Variants in MEIS2 observed in about 807,000 individuals in gnomAD.
The protein encoded by MEIS2 is homeobox protein Meis2.
A neutral mutation model predicts 58.6 loss-of-function variants in MEIS2; 9 were observed. The ratio of observed to expected loss-of-function variants is 0.15; its 90% CI spans 0.09 to 0.27. The LOEUF (loss-of-function observed/expected upper bound fraction) is 0.27. MEIS2 is among the 10% of genes least tolerant of loss of function. The probability of loss-of-function intolerance (pLI) is 1.00; values close to 1 mark genes in which losing one functional copy is unlikely to be tolerated. For missense variants in MEIS2, 427 were observed against 635.0 expected, an observed-to-expected ratio of 0.67 and a Z score of 3.52; for synonymous variants, 221 against 228.4, an observed-to-expected ratio of 0.97 and a Z score of 0.29.
chr15:37,026,787 C>G (rs2061721937), intron 8 of MEIS2, among the ~76,000 whole-genome samples: 1 of 152,076 alleles, frequency 6.6e-6, no homozygotes, highest in Non-Finnish European at 1.5e-5. Flanking sequence ...TGTGGACAAT[C>G]AAGTCAGATT....
At chr15:37,029,380 G>A (rs1267608621) in intron 8 of MEIS2, among the ~76,000 whole-genome samples, 6 of 152,124 alleles carry the variant, frequency 3.9e-5, no homozygotes, top group Admixed American at 6.5e-5. Context: ...TTGGCTCATA[G>A]CTATTTGTAT....
chr15:37,022,705 G>A (rs1336625487), intron 8 of MEIS2, among the ~76,000 whole-genome samples: 1 of 152,098 alleles, frequency 6.6e-6, no homozygotes, highest in Non-Finnish European at 1.5e-5. Flanking sequence ...AGTGGCGCAA[G>A]CTCAGCTCAC....
intron 8 of MEIS2, among the ~76,000 whole-genome samples, chr15:36,971,021 T>C (rs1157444925): frequency 6.6e-6 from 1 of 151,412 alleles, no homozygotes; most frequent in Non-Finnish European, 1.5e-5. Context: ...TCCCATTGTA[T>C]GTGTTCAAAG....
At chr15:36,903,708 G>A (rs972239403) in intron 9 of MEIS2, among the ~76,000 whole-genome samples, 4 of 152,140 alleles carry the variant, frequency 2.6e-5, no homozygotes, top group African/African-American at 9.7e-5. Context: ...TTCACAATCA[G>A]TTGCACACAT....
intron 8 of MEIS2, among the ~76,000 whole-genome samples, chr15:37,004,464 T>C (rs947980011): frequency 2.0e-5 from 3 of 152,152 alleles, no homozygotes; most frequent in Non-Finnish European, 4.4e-5. Flanking sequence ...AAAAGGAAAA[T>C]AATCTTCTAT....
At chr15:37,049,513 G>T (rs866637730) in intron 7 of MEIS2, among the ~76,000 whole-genome samples, 2 of 151,426 alleles carry the variant, frequency 1.3e-5, no homozygotes, top group Non-Finnish European at 2.9e-5. Flanking sequence ...TGGAGACAGA[G>T]TCTCACTCTG....
chr15:37,091,153 T>C (rs1175478690), intron 6 of MEIS2, among the ~76,000 whole-genome samples: 1 of 152,190 alleles, frequency 6.6e-6, no homozygotes, highest in Non-Finnish European at 1.5e-5. Flanking sequence ...TGTGTTTGGC[T>C]AGGGGGTTGA....
At chr15:36,912,757 C>CTT (rs1169795759) in intron 9 of MEIS2, among the ~76,000 whole-genome samples, 2 of 148,196 alleles carry the variant, frequency 1.3e-5, no homozygotes, top group East Asian at 4.0e-4. Context: ...GGAATGCAAA[C>CTT]TTTATTTCTT....
intron 9 of MEIS2, among the ~76,000 whole-genome samples, chr15:36,924,352 A>G (rs2057654152): frequency 1.3e-5 from 2 of 152,252 alleles, no homozygotes; most frequent in South Asian, 4.1e-4. Flanking sequence ...TGCACGGCTG[A>G]GATCGCGGTC....
At position 36,890,323 on chromosome 15, in the gene MEIS2, A is replaced by T. The variant is rs1768425648; in HGVS notation, c.*1850T>A. ...TGTGCAGTATCAATAAGCTAATGGT[A>T]TAGATTTCCAGGAATGTTGCATAAA... On this transcript the variant is annotated 3_prime_UTR_variant, in exon 12 of 12. Coordinates refer to ENST00000561208, the MANE Select transcript of MEIS2 (RefSeq NM_170675.5). The T allele has an allele frequency of 6.6e-6, 1 of 152,216 alleles. No homozygotes were observed. Among genetic ancestry groups the T allele is most frequent in the Admixed American group, 6.5e-5 (1 of 15,286 alleles). 9.4% of individuals were successfully genotyped at this position (152,216 alleles called of 1,614,324 possible).
chr15:37,048,225 C>T (rs2062762153), intron 7 of MEIS2, among the ~76,000 whole-genome samples: 1 of 152,104 alleles, frequency 6.6e-6, no homozygotes, highest in African/African-American at 2.4e-5. Flanking sequence ...TTAACTACAT[C>T]AAACCTATAC....
At chr15:36,981,034 CTTT>C (rs2059913481) in intron 8 of MEIS2, among the ~76,000 whole-genome samples, 1 of 152,064 alleles carries the variant, frequency 6.6e-6, no homozygotes, top group South Asian at 2.1e-4. Flanking sequence ...TCAAAATCTT[CTTT>C]TAAGATTCTG....
At chr15:36,910,675 C>T (rs2056967299) in intron 9 of MEIS2, among the ~76,000 whole-genome samples, 1 of 152,186 alleles carries the variant, frequency 6.6e-6, no homozygotes, top group Admixed American at 6.5e-5. Flanking sequence ...CTAACCTGTT[C>T]ATAAGTACCC....
chr15:36,970,358 C>G (rs572674470), intron 8 of MEIS2, among the ~76,000 whole-genome samples: 20 of 150,900 alleles, frequency 1.3e-4, no homozygotes, highest in African/African-American at 4.9e-4. Flanking sequence ...GAGCCGAGAT[C>G]GCGCCACTGC....
chr15:37,066,696 T>C (rs953554785), intron 7 of MEIS2, among the ~76,000 whole-genome samples: 1 of 152,218 alleles, frequency 6.6e-6, no homozygotes. Flanking sequence ...TGGAGAAAAC[T>C]TAGAAATCCC....
At chr15:37,020,669 C>T (rs2061494428) in intron 8 of MEIS2, among the ~76,000 whole-genome samples, 1 of 141,662 alleles carries the variant, frequency 7.1e-6, no homozygotes, top group Admixed American at 7.1e-5. Context: ...TCTTGGCATT[C>T]TGGTCTTTTT....
intron 6 of MEIS2, among the ~76,000 whole-genome samples, chr15:37,092,981 T>C (rs1434768098): frequency 6.6e-6 from 1 of 152,146 alleles, no homozygotes; most frequent in Non-Finnish European, 1.5e-5. Context: ...TACTGTCTTT[T>C]ATTATGAAGA....
At position 37,096,352 on chromosome 15, in the gene MEIS2, C is replaced by T; in HGVS notation, c.324G>A (p.Val108=). Reference sequence around the variant, plus strand: ...CGGAGGAGCAGACGTCTCCGCCAGCCACTCCAGGTTCCCGGGGAGTGCAGG... The same window carrying T: ...CGGAGGAGCAGACGTCTCCGCCAGCTACTCCAGGTTCCCGGGGAGTGCAGG... The part of the protein sequence containing the change: ...LATCTPREPG[V]AGGDVCSSDS... Residue 108 remains valine (V), a synonymous_variant, in exon 3 of 12, where the codon GTG becomes GTA. Transcript: ENST00000561208. 1 of 1,613,952 alleles carries T rather than the reference C, an allele frequency of 6.2e-7. No individual in the cohort carries two copies. Among genetic ancestry groups the T allele is most frequent in the Non-Finnish European group, 8.5e-7 (1 of 1,179,926 alleles).
chr15:37,084,283 G>A (rs570148737), intron 6 of MEIS2, among the ~76,000 whole-genome samples: 14 of 152,044 alleles, frequency 9.2e-5, no homozygotes, highest in Admixed American at 6.5e-4. Context: ...AATAGGTCCC[G>A]ATGCTCTTGG....
Sources: gnomAD v4.1 joint callset for allele counts (sites outside exome capture counted in the v4.1 genomes callset) on GRCh38, gnomAD v4.1.1 for gene constraint, MANE v1.5 for transcripts, NCBI Gene and HGNC (gene_info 2026-07-23, HGNC 2026-07-21) for gene names.